Variants in GSAP observed in about 807,000 individuals in gnomAD.
GSAP encodes the protein gamma-secretase-activating protein.
In GSAP, 118 loss-of-function variants were observed where a neutral mutation model predicts 131.7. The observed-to-expected ratio is 0.90, with a 90% confidence interval of 0.77 to 1.04. The LOEUF is 1.04. Ranked by LOEUF, GSAP falls within the 50% of genes least tolerant of loss-of-function variation. The pLI, the probability that GSAP is intolerant of heterozygous loss-of-function variation, is 0.00. For missense variants in GSAP, 1,019 were observed against 1,013.2 expected (o/e 1.01, Z -0.08); for synonymous variants, 381 against 363.4 (o/e 1.05, Z -0.55).
Position 77,390,946 on chromosome 7 carries a change from T to TTAAA in GSAP, c.368-3499_368-3498insTTTA, listed in dbSNP as rs71531149. 3.8e-3 allele frequency among the ~76,000 whole-genome samples: 146 copies of TTAAA among 37,942 alleles called. 13 individuals carry two copies. The highest frequency in any genetic ancestry group is 0.012 in the African/African-American group (122 of 10,292). The allele number at this position is 37,942 out of a possible 152,430, so 24.9% of individuals were successfully genotyped here. ...CCTGGTGACAGAGCGAGACTCCGTC[T>TTAAA]AAAAAAAAAAAAAAAAAAAAAAAAA... On this transcript the variant is annotated intron_variant, in intron 5 of 30. Transcript: ENST00000257626.
At chr7:77,376,930 A>G in intron 9 of GSAP, 23 bp from the exon 10 acceptor site, 1 of 1,279,364 alleles carries the variant, frequency 7.8e-7, no homozygotes, top group Non-Finnish European at 1.1e-6. Context: ...ACAGAATGGC[A>G]TATTAAAAAA....
rs770622702 is a variant in GSAP at position 77,312,217 on chromosome 7, G to GA, written c.2272-16dup. 1.1e-4 allele frequency: 151 copies of GA among 1,357,572 alleles called. No homozygotes were observed. Among genetic ancestry groups the GA allele is most frequent in the Non-Finnish European group, 2.2e-5 (22 of 987,232 alleles). 84.1% of individuals were successfully genotyped at this position (1,357,572 alleles called of 1,614,324 possible). A position where few individuals can be genotyped will look rare whatever the true frequency, so the allele number is the denominator to read the frequency against. On this transcript the variant is annotated splice_polypyrimidine_tract_variant and intron_variant, in intron 28 of 30. Coordinates refer to ENST00000257626, the MANE Select transcript of GSAP (RefSeq NM_017439.4). ...TGCCCAATAAGCTATTATGCAAATT[G>GA]AAAAAAATGTAGCGAATACCACACA...
intron 16 of GSAP, 189 bp from the exon 17 acceptor site, chr7:77,353,830 A>C: frequency 2.1e-6 from 1 of 476,992 alleles, no homozygotes; most frequent in Non-Finnish European, 3.7e-6. Flanking sequence ...GGTATTTTAT[A>C]AGTGAGATCC....
At chr7:77,311,568 T>C in intron 30 of GSAP, 119 bp from the exon 31 acceptor site, 1 of 614,632 alleles carries the variant, frequency 1.6e-6, no homozygotes, top group Non-Finnish European at 2.9e-6. Context: ...ATGAATTTTT[T>C]AAGAATGTGT....
chr7:77,364,275 G>A (rs1017036199), intron 12 of GSAP, among the ~76,000 whole-genome samples: 1 of 151,900 alleles, frequency 6.6e-6, no homozygotes, highest in Non-Finnish European at 1.5e-5. Context: ...ATTCTTTTAG[G>A]ATTCTATCCT....
chr7:77,394,091 G>A (rs562453045), intron 5 of GSAP, among the ~76,000 whole-genome samples: 9 of 152,168 alleles, frequency 5.9e-5, no homozygotes, highest in South Asian at 4.1e-4. Flanking sequence ...TTGCCCTGCC[G>A]CAGTCCATCT....
intron 12 of GSAP, among the ~76,000 whole-genome samples, chr7:77,363,659 T>A (rs939295942): frequency 6.6e-6 from 1 of 152,364 alleles, no homozygotes; most frequent in Middle Eastern, 3.4e-3. Flanking sequence ...TATTCTGTTA[T>A]AATATTTATC....
In GSAP at chr7:77,355,548, G is replaced by C; in HGVS notation, c.1120+7C>G. 6.3e-7 allele frequency: 1 copy of C among 1,596,254 alleles called. No homozygotes were observed. The highest frequency in any genetic ancestry group is 8.6e-7 in the Non-Finnish European group (1 of 1,164,158). On this transcript the variant is annotated splice_region_variant and intron_variant, in intron 15 of 30. Coordinates refer to ENST00000257626, the MANE Select transcript of GSAP (RefSeq NM_017439.4). The stretch of plus-strand genomic sequence containing the variant: ...CCACCTCTACAAGAGAAAAACTATA[G>C]CCGTACCTGTCAGAAAGAGATTGTG...
At chr7:77,405,258 C>T (rs1802064999) in intron 2 of GSAP, among the ~76,000 whole-genome samples, 1 of 152,206 alleles carries the variant, frequency 6.6e-6, no homozygotes, top group East Asian at 1.9e-4. Context: ...TATGATTGTG[C>T]CACCACACCC....
chr7:77,337,296 TG>T (rs1261925250), intron 19 of GSAP, among the ~76,000 whole-genome samples: 440 of 37,806 alleles, frequency 0.012, 2 homozygotes, highest in Non-Finnish European at 8.8e-3. Flanking sequence ...GGGGCGGGGG[TG>T]GGGTGGGGGG....
chr7:77,342,264 C>T (rs1029342298), intron 19 of GSAP, among the ~76,000 whole-genome samples: 8 of 152,184 alleles, frequency 5.3e-5, no homozygotes, highest in Admixed American at 3.3e-4. Context: ...CCTTCTTAAT[C>T]AATACAGAGG....
At chr7:77,329,509 G>A in intron 20 of GSAP, 118 bp from the exon 21 acceptor site, 1 of 451,656 alleles carries the variant, frequency 2.2e-6, no homozygotes, top group South Asian at 5.3e-5. Context: ...TACTTTCCAG[G>A]TAATCAGAAC....
intron 5 of GSAP, among the ~76,000 whole-genome samples, chr7:77,388,874 G>C (rs1202090363): frequency 6.6e-6 from 1 of 152,162 alleles, no homozygotes; most frequent in Non-Finnish European, 1.5e-5. Context: ...GACAGTAAGT[G>C]AGTTATTATA....
At chr7:77,322,006 G>T (rs1787711098) in intron 24 of GSAP, among the ~76,000 whole-genome samples, 1 of 152,194 alleles carries the variant, frequency 6.6e-6, no homozygotes, top group Admixed American at 6.5e-5. Context: ...TTGTCTTAGA[G>T]CTTTATCCAG....
chr7:77,335,444 G>A (rs1249248824), intron 19 of GSAP, among the ~76,000 whole-genome samples: 1 of 152,130 alleles, frequency 6.6e-6, no homozygotes, highest in African/African-American at 2.4e-5. Context: ...GACAATGTTA[G>A]AAGCAATCAC....
intron 5 of GSAP, among the ~76,000 whole-genome samples, chr7:77,392,187 A>T (rs1369007113): frequency 1.3e-5 from 2 of 151,180 alleles, no homozygotes; most frequent in African/African-American, 4.9e-5. Flanking sequence ...ACACCATTGC[A>T]CTCCAGCCTG....
rs1798564083 is a variant in GSAP at position 77,386,347 on chromosome 7, C to T, written c.456+1013G>A. Reference sequence around the variant, plus strand: ...TATACTAACTATCCTGTGATCATGGCTTTTGGGACTGTAGACTTTTGACCT... The same window carrying T: ...TATACTAACTATCCTGTGATCATGGTTTTTGGGACTGTAGACTTTTGACCT... On this transcript the variant is annotated intron_variant, in intron 6 of 30. Transcript: ENST00000257626. Among the ~76,000 whole-genome samples, 2 of 152,090 alleles carry T rather than the reference C, an allele frequency of 1.3e-5. 1 individual carries two copies. Among genetic ancestry groups the T allele is most frequent in the South Asian group, 4.1e-4 (2 of 4,828 alleles).
intron 3 of GSAP, among the ~76,000 whole-genome samples, chr7:77,398,277 T>C (rs954328561): frequency 6.6e-6 from 1 of 152,158 alleles, no homozygotes; most frequent in Non-Finnish European, 1.5e-5. Context: ...CAGACCCCTA[T>C]AGCTAGAAGT....
chr7:77,376,164 A>G (rs972134096), intron 10 of GSAP, among the ~76,000 whole-genome samples: 10 of 152,202 alleles, frequency 6.6e-5, no homozygotes, highest in Non-Finnish European at 1.3e-4. Context: ...TATCTCTTAC[A>G]GACCCCATCA....
Sources: allele counts gnomAD v4.1 joint callset (sites outside exome capture counted in the v4.1 genomes callset), GRCh38; gene constraint gnomAD v4.1.1; transcripts MANE v1.5; gene names NCBI Gene and HGNC (gene_info 2026-07-23, HGNC 2026-07-21).